The following ADAMTSL3 variants were observed in gnomAD, a reference collection of about 807,000 sequenced individuals.
The protein encoded by ADAMTSL3 is ADAMTS like 3.
A neutral mutation model predicts 201.7 loss-of-function variants in ADAMTSL3; 128 were observed. The ratio of observed to expected loss-of-function variants is 0.63; its 90% CI spans 0.55 to 0.73. The LOEUF is 0.73. Ranked by LOEUF, ADAMTSL3 falls within the 30% of genes least tolerant of loss-of-function variation. The pLI is 0.00. For synonymous variants in ADAMTSL3, 738 were observed against 748.4 expected, an observed-to-expected ratio of 0.99 and a Z score of 0.23; for missense variants, 1,990 against 2,119.6, an observed-to-expected ratio of 0.94 and a Z score of 1.20.
chr15:83,983,132 C>A lies in ADAMTSL3; in HGVS notation c.3504C>A (p.Gly1168=). The A allele has an allele frequency of 6.2e-7, 1 of 1,613,882 alleles. No homozygotes were observed. ...VSQSSHAKNS[G]KLTFKPKGPV... ...AAAGCTCGCATGCAAAAAACTCAGG[C>A]AAGCTGACATTCAAGCCGAAAGGAC... Residue 1168 remains glycine, a synonymous_variant, in exon 21 of 30, where the codon GGC becomes GGA. Coordinates refer to ENST00000286744, the MANE Select transcript of ADAMTSL3 (RefSeq NM_207517.3).
At chr15:84,031,945 A>G (rs2068417110) in intron 28 of ADAMTSL3, among the ~76,000 whole-genome samples, 1 of 152,180 alleles carries the variant, frequency 6.6e-6, no homozygotes, top group African/African-American at 2.4e-5. Flanking sequence ...CTGAGCTGGT[A>G]GATGGTTTAG....
intron 8 of ADAMTSL3, among the ~76,000 whole-genome samples, chr15:83,869,325 T>A (rs1263011309): frequency 6.6e-6 from 1 of 152,192 alleles, no homozygotes; most frequent in Non-Finnish European, 1.5e-5. Flanking sequence ...CAGTTTTATA[T>A]CTTCATTGGA....
chr15:83,913,184 C>A lies in ADAMTSL3; in HGVS notation c.1793C>A (p.Thr598Lys), dbSNP rs139144597. 6.2e-7 allele frequency: 1 copy of A among 1,614,058 alleles called. No homozygotes were observed. Among genetic ancestry groups the A allele is most frequent in the Non-Finnish European group, 8.5e-7 (1 of 1,180,046 alleles). Residue 598 changes from threonine to lysine, a missense_variant, in exon 16 of 30, where the codon ACG (threonine) becomes AAG (lysine). Physicochemically the swap from Thr to Lys is moderately conservative, Grantham distance 78 (BLOSUM62 -1). Transcript: ENST00000286744. ...AAGTGCCGTGTGCTCCTCACATTCACGCAGACTGAGACTGAGCTGCCCGAG... is the reference window on the plus strand; with the variant it reads ...AAGTGCCGTGTGCTCCTCACATTCAAGCAGACTGAGACTGAGCTGCCCGAG... ...EVKCRVLLTFTQTETELPEEE... is the reference protein window; with the variant it reads ...EVKCRVLLTFKQTETELPEEE...
chr15:83,778,468 A>G (rs1213742461), intron 4 of ADAMTSL3, among the ~76,000 whole-genome samples: 3 of 152,222 alleles, frequency 2.0e-5, no homozygotes, highest in Non-Finnish European at 2.9e-5. Context: ...GCCAGTATTC[A>G]ACATTCTTAA....
At chr15:83,878,259 A>G (rs2065212150) in intron 9 of ADAMTSL3, among the ~76,000 whole-genome samples, 1 of 152,150 alleles carries the variant, frequency 6.6e-6, no homozygotes, top group African/African-American at 2.4e-5. Context: ...GATTTTTCAA[A>G]TGTTAAACCA....
At chr15:83,788,124 T>A (rs2063293312) in intron 4 of ADAMTSL3, among the ~76,000 whole-genome samples, 1 of 152,174 alleles carries the variant, frequency 6.6e-6, no homozygotes, top group African/African-American at 2.4e-5. Flanking sequence ...TATTTGCTTG[T>A]TTTCTTAGTT....
intron 9 of ADAMTSL3, among the ~76,000 whole-genome samples, chr15:83,876,949 C>T (rs139611461): frequency 0.013 from 1,998 of 152,280 alleles, 44 homozygotes; most frequent in African/African-American, 0.045. Flanking sequence ...TATGCCACCA[C>T]ACCCAGCAAG....
chr15:83,887,947 A>ATTT, intron 10 of ADAMTSL3, among the ~76,000 whole-genome samples: 1 of 152,260 alleles, frequency 6.6e-6, no homozygotes, highest in Admixed American at 6.5e-5. Flanking sequence ...AGTCATTCAG[A>ATTT]GAGACGTTCA....
intron 2 of ADAMTSL3, among the ~76,000 whole-genome samples, chr15:83,657,082 G>A (rs2061096299): frequency 6.6e-6 from 1 of 152,126 alleles, no homozygotes; most frequent in Admixed American, 6.5e-5. Flanking sequence ...ATGATGTTAG[G>A]GTTCTCTGGC....
intron 17 of ADAMTSL3, among the ~76,000 whole-genome samples, chr15:83,929,077 C>G (rs540657458): frequency 2.0e-5 from 3 of 152,182 alleles, no homozygotes; most frequent in Admixed American, 6.5e-5. Context: ...TGTGCACACA[C>G]GACTATGAAA....
At chr15:83,898,236 C>A (rs2141910651) in intron 14 of ADAMTSL3, among the ~76,000 whole-genome samples, 1 of 151,950 alleles carries the variant, frequency 6.6e-6, no homozygotes, top group Admixed American at 6.5e-5. Flanking sequence ...TCCTATCTAT[C>A]TAGTTTTATA....
intron 2 of ADAMTSL3, among the ~76,000 whole-genome samples, chr15:83,684,265 C>T (rs1215507993): frequency 6.6e-6 from 1 of 152,204 alleles, no homozygotes; most frequent in Non-Finnish European, 1.5e-5. Flanking sequence ...TTTGTCAACA[C>T]AAAACCCTAG....
At chr15:83,877,201 A>G (rs2065193086) in intron 9 of ADAMTSL3, among the ~76,000 whole-genome samples, 1 of 152,206 alleles carries the variant, frequency 6.6e-6, no homozygotes, top group East Asian at 1.9e-4. Flanking sequence ...TGGTCTCCCA[A>G]AGTCCTGGGA....
intron 10 of ADAMTSL3, among the ~76,000 whole-genome samples, chr15:83,887,629 T>G (rs2065422038): frequency 6.6e-6 from 1 of 152,230 alleles, no homozygotes; most frequent in African/African-American, 2.4e-5. Context: ...TTTGTTTGTT[T>G]GTTTGTTTTA....
intron 4 of ADAMTSL3, among the ~76,000 whole-genome samples, chr15:83,793,459 G>GTGTTGTTGTTGTTGTTGT (rs57822593): frequency 1.3e-5 from 2 of 150,536 alleles, no homozygotes; most frequent in Non-Finnish European, 3.0e-5. Flanking sequence ...ATCTGTTGGT[G>GTGTTGTTGTTGTTGTTGT]TGTTGTTGTT....
intron 4 of ADAMTSL3, among the ~76,000 whole-genome samples, chr15:83,775,290 G>A (rs2063053337): frequency 6.6e-6 from 1 of 151,592 alleles, no homozygotes; most frequent in Non-Finnish European, 1.5e-5. Flanking sequence ...TGAATAATTT[G>A]CAATTAGTGG....
At chr15:83,714,789 C>T (rs868502382) in intron 3 of ADAMTSL3, among the ~76,000 whole-genome samples, 9 of 75,268 alleles carry the variant, frequency 1.2e-4, no homozygotes, top group Admixed American at 2.2e-4. Context: ...CTTTCTTTTT[C>T]TTTCTCTCTC....
intron 15 of ADAMTSL3, among the ~76,000 whole-genome samples, chr15:83,904,341 C>T (rs188683481): frequency 2.0e-5 from 3 of 152,234 alleles, no homozygotes; most frequent in East Asian, 1.9e-4. Flanking sequence ...CCAAACAAAA[C>T]CGCAACATAT....
chr15:83,725,842 C>G lies in ADAMTSL3; in HGVS notation c.189+21334C>G, dbSNP rs1022038051. Among the ~76,000 whole-genome samples, 9 of 151,896 alleles carry G rather than the reference C, an allele frequency of 5.9e-5. 1 individual carries two copies. The highest frequency in any genetic ancestry group is 4.6e-4 in the Admixed American group (7 of 15,216). On this transcript the variant is annotated intron_variant, in intron 3 of 29. Transcript: ENST00000286744. Reference sequence around the variant, plus strand: ...CAGGTAATGTGATTCCTCCAGTTTTCTTATTTTTGGTCAGGATAGCTTTGG... The same window carrying G: ...CAGGTAATGTGATTCCTCCAGTTTTGTTATTTTTGGTCAGGATAGCTTTGG...
Sources: allele counts gnomAD v4.1 joint callset (sites outside exome capture counted in the v4.1 genomes callset), GRCh38; gene constraint gnomAD v4.1.1; transcripts MANE v1.5; gene names NCBI Gene and HGNC (gene_info 2026-07-23, HGNC 2026-07-21).